The following CATSPER3 variants were observed in gnomAD, a reference collection of about 807,000 sequenced individuals.
CATSPER3 encodes the protein cation channel sperm associated 3, also known as cation channel sperm-associated protein 3.
In CATSPER3, 23 loss-of-function variants were observed where a neutral mutation model predicts 36.6. The ratio of observed to expected loss-of-function variants is 0.63; its 90% CI spans 0.45 to 0.89. The LOEUF (loss-of-function observed/expected upper bound fraction) is 0.89, where lower values mean the gene tolerates loss of function less well. Among genes scored for constraint, CATSPER3 ranks in the 40% least tolerant of loss-of-function variants. CATSPER3 has a pLI of 0.00. For missense variants in CATSPER3, 474 were observed against 503.9 expected (o/e 0.94, Z 0.57); for synonymous variants, 172 against 184.1 (o/e 0.93, Z 0.53).
chr5:135,003,416 A>G (rs972216955), intron 3 of CATSPER3, among the ~76,000 whole-genome samples: 10 of 152,186 alleles, frequency 6.6e-5, no homozygotes, highest in African/African-American at 2.4e-4. Context: ...CCACTTGAGG[A>G]GGCAGTCTGT....
At chr5:134,998,133 T>C (rs968233355) in intron 3 of CATSPER3, among the ~76,000 whole-genome samples, 1 of 152,160 alleles carries the variant, frequency 6.6e-6, no homozygotes, top group East Asian at 1.9e-4. Flanking sequence ...AGTGTTCTCA[T>C]TGTTCAGTTC....
At chr5:135,001,978 G>T (rs1375302858) in intron 3 of CATSPER3, among the ~76,000 whole-genome samples, 1 of 152,142 alleles carries the variant, frequency 6.6e-6, no homozygotes, top group African/African-American at 2.4e-5. Context: ...GGTTAATATT[G>T]TTATGTGTGA....
At chr5:135,007,857 T>C in intron 3 of CATSPER3, 100 bp from the exon 4 acceptor site, 1 of 577,832 alleles carries the variant, frequency 1.7e-6, no homozygotes, top group East Asian at 6.2e-5. Flanking sequence ...ATGGCAACAG[T>C]TGCTGGGGAC....
At chr5:135,011,466 G>A in intron 7 of CATSPER3, 55 bp from the exon 8 acceptor site, 2 of 1,329,902 alleles carry the variant, frequency 1.5e-6, no homozygotes, top group Non-Finnish European at 2.1e-6. Context: ...GGGCCAGGGG[G>A]TCCTGGAGCC....
rs1752165903 is a variant in CATSPER3 at position 135,010,369 on chromosome 5, C to G, written c.937-4C>G. 6.2e-7 allele frequency: 1 copy of G among 1,613,802 alleles called. No homozygotes were observed. Among genetic ancestry groups the G allele is most frequent in the East Asian group, 2.2e-5 (1 of 44,884 alleles). On this transcript the variant is annotated splice_region_variant and splice_polypyrimidine_tract_variant and intron_variant, in intron 6 of 7. Coordinates refer to ENST00000282611, the MANE Select transcript of CATSPER3 (RefSeq NM_178019.3). Reference sequence around the variant, plus strand: ...CTGCTCTCTCGTTATGCTTTCCTCTCTAGAAAAATGCTGACTGCACAAGTT... The same window carrying G: ...CTGCTCTCTCGTTATGCTTTCCTCTGTAGAAAAATGCTGACTGCACAAGTT...
At chr5:134,981,642 A>G (rs1751752079) in intron 2 of CATSPER3, among the ~76,000 whole-genome samples, 1 of 152,240 alleles carries the variant, frequency 6.6e-6, no homozygotes. Context: ...ACATAAAGCA[A>G]CAAAAACAAA....
intron 2 of CATSPER3, among the ~76,000 whole-genome samples, chr5:134,978,270 G>A (rs2879986): frequency 0.44 from 66,105 of 151,922 alleles, 14,522 homozygotes; most frequent in African/African-American, 0.49. Context: ...AGCAATATGC[G>A]TTGTATACTT....
intron 2 of CATSPER3, among the ~76,000 whole-genome samples, chr5:134,973,301 A>G (rs1751628339): frequency 6.6e-6 from 1 of 152,228 alleles, no homozygotes; most frequent in Non-Finnish European, 1.5e-5. Flanking sequence ...GAGTATGACT[A>G]AAAAATGGGA....
intron 2 of CATSPER3, among the ~76,000 whole-genome samples, chr5:134,976,826 CATGTGGAAGCCACCAAGGCTTGCA>C (rs1457408330): frequency 6.6e-6 from 1 of 152,242 alleles, no homozygotes; most frequent in Non-Finnish European, 1.5e-5. Context: ...GACTTAACAC[CATGTGGAAGCCACCAAGGCTTGCA>C]GCAGCTTGTG....
chr5:134,979,951 C>A (rs1245933257), intron 2 of CATSPER3, among the ~76,000 whole-genome samples: 1 of 141,270 alleles, frequency 7.1e-6, no homozygotes, highest in East Asian at 2.4e-4. Flanking sequence ...CATTTCCCAC[C>A]CTTCCCTCCC....
intron 2 of CATSPER3, among the ~76,000 whole-genome samples, chr5:134,970,852 A>G (rs1003746152): frequency 6.6e-6 from 1 of 152,026 alleles, no homozygotes; most frequent in Non-Finnish European, 1.5e-5. Flanking sequence ...CATTACGGGC[A>G]TGAGCCATCG....
At chr5:134,978,811 C>A (rs1751713796) in intron 2 of CATSPER3, among the ~76,000 whole-genome samples, 1 of 151,396 alleles carries the variant, frequency 6.6e-6, no homozygotes, top group Non-Finnish European at 1.5e-5. Flanking sequence ...GCTCCGCCTA[C>A]CAGGTTCACG....
chr5:134,968,565 C>T, intron 1 of CATSPER3: 1 of 173,072 alleles, frequency 5.8e-6, no homozygotes, highest in Non-Finnish European at 1.2e-5. Context: ...ATGGTGTGCA[C>T]CTGTTGTCCC....
intron 2 of CATSPER3, among the ~76,000 whole-genome samples, chr5:134,975,663 C>G (rs1406125465): frequency 6.6e-6 from 1 of 152,140 alleles, no homozygotes; most frequent in Non-Finnish European, 1.5e-5. Flanking sequence ...GAAAGGGGAA[C>G]TCATACATTG....
At chr5:134,972,319 A>G (rs978749750) in intron 2 of CATSPER3, among the ~76,000 whole-genome samples, 7 of 152,224 alleles carry the variant, frequency 4.6e-5, no homozygotes, top group African/African-American at 1.4e-4. Flanking sequence ...ATTTCAGATA[A>G]GAGATACTTA....
Position 135,006,851 on chromosome 5 carries a change from T to TA in CATSPER3, c.493-1104dup, listed in dbSNP as rs1752095086. ...ACTCCGTCTCGAAAAAAAAAAAAAA[T>TA]AATAATAATAATAATAATAAAATCT... On this transcript the variant is annotated intron_variant, in intron 3 of 7. Coordinates refer to ENST00000282611, the MANE Select transcript of CATSPER3 (RefSeq NM_178019.3). Among the ~76,000 whole-genome samples the TA allele has an allele frequency of 1.5e-5, 2 of 135,172 alleles. 1 individual carries two copies. Among genetic ancestry groups the TA allele is most frequent in the African/African-American group, 5.9e-5 (2 of 33,886 alleles). 88.7% of individuals were successfully genotyped at this position (135,172 alleles called of 152,430 possible).
intron 2 of CATSPER3, among the ~76,000 whole-genome samples, chr5:134,979,327 G>C (rs753279250): frequency 6.6e-6 from 1 of 152,078 alleles, no homozygotes; most frequent in Non-Finnish European, 1.5e-5. Flanking sequence ...TGTAGAGATG[G>C]GGTCTCGCTA....
At chr5:134,996,810 C>T (rs1328524329) in intron 3 of CATSPER3, among the ~76,000 whole-genome samples, 5 of 152,230 alleles carry the variant, frequency 3.3e-5, no homozygotes, top group African/African-American at 1.2e-4. Flanking sequence ...AACTTTTCCT[C>T]TCTCTCATGC....
At chr5:135,006,997 A>T (rs1390091895) in intron 3 of CATSPER3, among the ~76,000 whole-genome samples, 1 of 152,168 alleles carries the variant, frequency 6.6e-6, no homozygotes, top group East Asian at 1.9e-4. Context: ...AGGGCAGCCC[A>T]GGGCTCTTGG....
Sources: gnomAD v4.1 joint callset for allele counts (sites outside exome capture counted in the v4.1 genomes callset) on GRCh38, gnomAD v4.1.1 for gene constraint, MANE v1.5 for transcripts, NCBI Gene and HGNC (gene_info 2026-07-23, HGNC 2026-07-21) for gene names.